Variants in PCBP3 observed in about 807,000 individuals in gnomAD.
PCBP3 encodes poly(rC)-binding protein 3.
A neutral mutation model predicts 52.7 loss-of-function variants in PCBP3; 25 were observed. The observed-to-expected ratio is 0.47, with a 90% CI of 0.35 to 0.66. The LOEUF is 0.66. Ranked by LOEUF, PCBP3 falls within the 30% of genes least tolerant of loss-of-function variation. PCBP3 has a pLI of 0.01. For missense variants in PCBP3, 391 were observed against 490.3 expected, an observed-to-expected ratio of 0.80 and a Z score of 1.91; for synonymous variants, 162 against 183.0, an observed-to-expected ratio of 0.89 and a Z score of 0.93.
chr21:45,923,207 C>T (rs1209909532), intron 13 of PCBP3, among the ~76,000 whole-genome samples: 1 of 152,212 alleles, frequency 6.6e-6, no homozygotes. Context: ...CTCTGGAACC[C>T]TGTGGGGAGG....
At chr21:45,866,471 G>A (rs762150470) in intron 5 of PCBP3, among the ~76,000 whole-genome samples, 4 of 152,202 alleles carry the variant, frequency 2.6e-5, no homozygotes, top group African/African-American at 4.8e-5. Context: ...GGTCCTGCTC[G>A]CTCATGGTTA....
chr21:45,861,637 C>T (rs768311071), intron 5 of PCBP3, among the ~76,000 whole-genome samples: 1 of 152,166 alleles, frequency 6.6e-6, no homozygotes, highest in African/African-American at 2.4e-5. Flanking sequence ...CTGACCCCTC[C>T]GTGTTCATAA....
rs1347970670 is a variant in PCBP3, at chr21:45,736,641, C to T, written c.-162+1212C>T. Among the ~76,000 whole-genome samples, 5 of 152,008 alleles carry T rather than the reference C, an allele frequency of 3.3e-5. No individual in the cohort carries two copies. Among genetic ancestry groups the T allele is most frequent in the Non-Finnish European group, 7.4e-5 (5 of 67,990 alleles). On this transcript the variant is annotated intron_variant, in intron 3 of 17. Coordinates refer to ENST00000681687, the MANE Select transcript of PCBP3 (RefSeq NM_001384156.1). The surrounding 1 kb of genome is among the most constrained non-coding windows in gnomAD (Gnocchi z 4.6). ...GCATGGAGGGGTTGGGGCCTGTGCTCCTAGGTGCTTAGGCTTGCAGGTGAC... is the reference window on the plus strand; with the variant it reads ...GCATGGAGGGGTTGGGGCCTGTGCTTCTAGGTGCTTAGGCTTGCAGGTGAC...
At chr21:45,819,132 T>C (rs2147327421) in intron 4 of PCBP3, among the ~76,000 whole-genome samples, 1 of 152,140 alleles carries the variant, frequency 6.6e-6, no homozygotes, top group Non-Finnish European at 1.5e-5. Context: ...GCACCGAGCG[T>C]GAGCCCTGCT....
chr21:45,812,836 A>G lies in PCBP3; in HGVS notation c.-125-37125A>G, dbSNP rs548565752. Among the ~76,000 whole-genome samples the G allele has an allele frequency of 5.9e-5, 9 of 152,324 alleles. No homozygotes were observed. The South Asian group carries it at 6.2e-4, about 11-fold the overall frequency. On this transcript the variant is annotated intron_variant, in intron 4 of 17. Coordinates refer to ENST00000681687, the MANE Select transcript of PCBP3 (RefSeq NM_001384156.1). Reference sequence around the variant, plus strand: ...TTAGAGGTTTTGGGATTTTTTGCCCATATGTAATATGTCATTCCTTTGCCT... The same window carrying G: ...TTAGAGGTTTTGGGATTTTTTGCCCGTATGTAATATGTCATTCCTTTGCCT...
intron 4 of PCBP3, among the ~76,000 whole-genome samples, chr21:45,808,073 A>G (rs1380530060): frequency 6.6e-6 from 1 of 152,250 alleles, no homozygotes; most frequent in Non-Finnish European, 1.5e-5. Flanking sequence ...CTTACATATA[A>G]GACCTAAAAC....
chr21:45,874,574 C>T (rs535880906), intron 5 of PCBP3, among the ~76,000 whole-genome samples: 10 of 149,840 alleles, frequency 6.7e-5, no homozygotes, highest in South Asian at 2.1e-4. Context: ...GGCGCGATCT[C>T]GGCTTACTGC....
At chr21:45,807,296 C>T (rs1391012020) in intron 4 of PCBP3, among the ~76,000 whole-genome samples, 1 of 152,218 alleles carries the variant, frequency 6.6e-6, no homozygotes, top group Admixed American at 6.5e-5. Context: ...ACCCCATTAT[C>T]TCAGCCCAAA....
At chr21:45,784,461 C>T (rs963989656) in intron 4 of PCBP3, among the ~76,000 whole-genome samples, 2 of 151,900 alleles carry the variant, frequency 1.3e-5, no homozygotes, top group Non-Finnish European at 2.9e-5. Flanking sequence ...TACCTCCTAC[C>T]TCCTACCTCC....
chr21:45,665,240 AAAAAAT>A (rs1315342608), intron 1 of PCBP3, among the ~76,000 whole-genome samples: 1 of 151,964 alleles, frequency 6.6e-6, no homozygotes, highest in African/African-American at 2.4e-5. Flanking sequence ...CATATCTACA[AAAAAAT>A]AAAAATAAAA....
At chr21:45,662,256 T>G (rs1166813495) in intron 1 of PCBP3, among the ~76,000 whole-genome samples, 1 of 150,202 alleles carries the variant, frequency 6.7e-6, no homozygotes, top group Non-Finnish European at 1.5e-5. Flanking sequence ...TACAGGTATG[T>G]GCCAATATAC....
intron 6 of PCBP3, among the ~76,000 whole-genome samples, chr21:45,897,520 G>A (rs2095863499): frequency 6.6e-6 from 1 of 152,192 alleles, no homozygotes; most frequent in African/African-American, 2.4e-5. Context: ...TCCTCTGGGA[G>A]TCAGGTTGCT....
At chr21:45,900,253 G>A (rs1242653651) in intron 7 of PCBP3, among the ~76,000 whole-genome samples, 4 of 152,222 alleles carry the variant, frequency 2.6e-5, no homozygotes, top group Admixed American at 6.5e-5. Flanking sequence ...GAGTGTAGCC[G>A]GCAATGCGGG....
At chr21:45,876,873 G>C (rs1219237557) in intron 5 of PCBP3, among the ~76,000 whole-genome samples, 1 of 152,246 alleles carries the variant, frequency 6.6e-6, no homozygotes, top group Non-Finnish European at 1.5e-5. Flanking sequence ...AGAGCCGCTG[G>C]CTGCGACAGC....
chr21:45,903,848 G>A (rs1234630141), intron 9 of PCBP3, among the ~76,000 whole-genome samples: 1 of 152,172 alleles, frequency 6.6e-6, no homozygotes, highest in Non-Finnish European at 1.5e-5. Flanking sequence ...GCTGCCTCTA[G>A]AGGATCTCAG....
intron 2 of PCBP3, among the ~76,000 whole-genome samples, chr21:45,678,317 AAAAT>A (rs1435592001): frequency 6.6e-6 from 1 of 151,460 alleles, no homozygotes; most frequent in Non-Finnish European, 1.5e-5. Context: ...AAAAAAAAAA[AAAAT>A]AATAATAATA....
chr21:45,846,390 G>A (rs754489343), intron 4 of PCBP3, among the ~76,000 whole-genome samples: 1 of 151,298 alleles, frequency 6.6e-6, no homozygotes, highest in Admixed American at 6.6e-5. Context: ...AACTTACTGA[G>A]GTTTTCTTTG....
chr21:45,930,778 C>A lies in PCBP3; in HGVS notation c.797-8C>A. 1.7e-6 allele frequency: 2 copies of A among 1,193,566 alleles called. No homozygotes were observed. Among genetic ancestry groups the A allele is most frequent in the Non-Finnish European group, 2.5e-6 (2 of 795,876 alleles). The allele number at this position is 1,193,566 out of a possible 1,614,324, so 73.9% of individuals were successfully genotyped here. On this transcript the variant is annotated splice_region_variant and splice_polypyrimidine_tract_variant and intron_variant, in intron 14 of 17. Transcript: ENST00000681687. Reference sequence around the variant, plus strand: ...AAACATTAAACCTGTCTCTTCTTTGCTCTCCAGGAGAAAAGCTGCCTTTAC... The same window carrying A: ...AAACATTAAACCTGTCTCTTCTTTGATCTCCAGGAGAAAAGCTGCCTTTAC...
chr21:45,891,588 G>C (rs1411646262), intron 5 of PCBP3, among the ~76,000 whole-genome samples: 1 of 152,162 alleles, frequency 6.6e-6, no homozygotes, highest in Non-Finnish European at 1.5e-5. Flanking sequence ...GGTGGAGTGG[G>C]AGCACGGACC....
Sources: gnomAD v4.1 joint callset for allele counts (sites outside exome capture counted in the v4.1 genomes callset) on GRCh38, gnomAD v4.1.1 for gene constraint, Gnocchi (gnomAD v3.1) non-coding constraint, MANE v1.5 for transcripts, NCBI Gene and HGNC (gene_info 2026-07-23, HGNC 2026-07-21) for gene names.